Variants in BLK observed in about 807,000 individuals in gnomAD.
The protein encoded by BLK is tyrosine-protein kinase Blk.
A neutral mutation model predicts 61.8 loss-of-function variants in BLK; 64 were observed. That is an observed-to-expected ratio of 1.03 (90% CI 0.85 to 1.27). BLK has a LOEUF of 1.27. Ranked by LOEUF, BLK falls within the 50% of genes most tolerant of loss-of-function variation. The probability of loss-of-function intolerance (pLI) is 0.00; values close to 1 mark genes in which losing one functional copy is unlikely to be tolerated. For synonymous variants in BLK, 351 were observed against 272.0 expected (o/e 1.29, Z -2.86); for missense variants, 853 against 660.5 (o/e 1.29, Z -3.19).
At chr8:11,555,597 G>T (rs1050297062) in intron 8 of BLK, 113 bp downstream of exon 8, 2 of 1,512,008 alleles carry the variant, frequency 1.3e-6, no homozygotes, top group Non-Finnish European at 9.0e-7. Context: ...AGTCTTGAGA[G>T]GGAGCGAGGA....
chr8:11,542,225 A>G (rs1800410352), intron 1 of BLK, among the ~76,000 whole-genome samples: 1 of 152,252 alleles, frequency 6.6e-6, no homozygotes. Flanking sequence ...TACTAGTTAT[A>G]CTGCAAAGCA....
intron 8 of BLK, chr8:11,555,942 G>A (rs967559840): frequency 1.5e-4 from 46 of 297,324 alleles, no homozygotes; most frequent in Admixed American, 4.7e-4. Flanking sequence ...CATTTCCATC[G>A]CTGCTGACAC....
chr8:11,558,717 C>T (rs1401243666), intron 10 of BLK: 1 of 456,280 alleles, frequency 2.2e-6, no homozygotes. Flanking sequence ...TAGCCGAGAG[C>T]TCTAGCTGGC....
intron 8 of BLK, chr8:11,555,863 C>T (rs1801189766): frequency 2.8e-6 from 1 of 354,492 alleles, no homozygotes; most frequent in African/African-American, 2.1e-5. Flanking sequence ...GTTCCAGAGC[C>T]TGAGTGCACA....
At chr8:11,541,314 A>T (rs1260484898) in intron 1 of BLK, among the ~76,000 whole-genome samples, 1 of 152,178 alleles carries the variant, frequency 6.6e-6, no homozygotes, top group African/African-American at 2.4e-5. Flanking sequence ...TGCCAAATAG[A>T]CTAATATGCT....
intron 10 of BLK, chr8:11,558,423 A>G (rs1801332279): frequency 2.8e-6 from 1 of 361,432 alleles, no homozygotes; most frequent in Non-Finnish European, 5.4e-6. Context: ...TCTTCCTTAG[A>G]TGGTGCCCAC....
chr8:11,549,859 GGAGA>G (rs760683039), intron 5 of BLK: 35 of 420,032 alleles, frequency 8.3e-5, no homozygotes, highest in Non-Finnish European at 1.4e-4. Context: ...GCTGTGCTTT[GGAGA>G]GAGTGATCAG....
chr8:11,553,633 C>G (rs891330888), intron 6 of BLK: 1 of 180,408 alleles, frequency 5.5e-6, no homozygotes, highest in Non-Finnish European at 1.2e-5. Context: ...AGGCCAGGCT[C>G]GGGTTCCTTA....
chr8:11,536,349 T>A (rs890164275), intron 1 of BLK, among the ~76,000 whole-genome samples: 1 of 152,190 alleles, frequency 6.6e-6, no homozygotes, highest in Non-Finnish European at 1.5e-5. Context: ...AATTATTGAA[T>A]GTGGGTGATG....
In BLK at chr8:11,549,587, C is replaced by T. The variant is rs564427151; in HGVS notation, c.368+465C>T. Among the ~76,000 whole-genome samples, 136 of 152,330 alleles carry T rather than the reference C, an allele frequency of 8.9e-4. 1 individual carries two copies. The highest frequency in any genetic ancestry group is 6.8e-3 in the Middle Eastern group (2 of 294). ...CATGTCCCCATGGCACTGGGAATTT[C>T]GGACTCGGCCAGCCAGAGCCCCCAC... On this transcript the variant is annotated intron_variant, in intron 5 of 12. Coordinates refer to ENST00000259089, the MANE Select transcript of BLK (RefSeq NM_001715.3).
At chr8:11,506,463 T>C (rs1294210112) in intron 1 of BLK, among the ~76,000 whole-genome samples, 1 of 152,200 alleles carries the variant, frequency 6.6e-6, no homozygotes, top group Admixed American at 6.5e-5. Context: ...TCCTGGCCTC[T>C]GGAGGGGTGT....
rs187381604 is a variant in BLK at position 11,535,340 on chromosome 8, G to A, written c.-1-7884G>A. ...AGAAAGAAAGAGAAGGAAAAGGGAAGGGAAGGAAGGAAAGGAAAGGAAGGG... is the reference window on the plus strand; with the variant it reads ...AGAAAGAAAGAGAAGGAAAAGGGAAAGGAAGGAAGGAAAGGAAAGGAAGGG... On this transcript the variant is annotated intron_variant, in intron 1 of 12. Transcript: ENST00000259089. Among the ~76,000 whole-genome samples the A allele has an allele frequency of 1.6e-3, 237 of 148,888 alleles. 1 individual carries two copies. The highest frequency in any genetic ancestry group is 2.5e-3 in the Non-Finnish European group (165 of 66,876).
Position 11,558,351 on chromosome 8 carries a change from C to G in BLK, c.1029+313C>G, listed in dbSNP as rs944679765. ...GGGCGAATGAATGTCATGGGAAACACACAGAGTTAGCAAGAGTTCCATTGA... is the reference window on the plus strand; with the variant it reads ...GGGCGAATGAATGTCATGGGAAACAGACAGAGTTAGCAAGAGTTCCATTGA... On this transcript the variant is annotated intron_variant, in intron 10 of 12. Transcript: ENST00000259089. The G allele has an allele frequency of 1.7e-5, 7 of 409,544 alleles. No individual in the cohort carries two copies. The East Asian group carries it at 3.3e-4, about 19-fold the overall frequency. The allele number at this position is 409,544 out of a possible 1,614,324, so 25.4% of individuals were successfully genotyped here. A position where few individuals can be genotyped will look rare whatever the true frequency, so the allele number is the denominator to read the frequency against.
At chr8:11,551,445 C>T (rs571427906) in intron 6 of BLK, among the ~76,000 whole-genome samples, 4 of 152,308 alleles carry the variant, frequency 2.6e-5, no homozygotes, top group African/African-American at 4.8e-5. Context: ...AGGGCCCACC[C>T]ATATGACCTC....
chr8:11,556,663 TACAAAAACA>T lies in BLK; in HGVS notation c.782_790del (p.Lys261_Asn263del). On this transcript the variant is annotated inframe_deletion, in exon 9 of 13. Transcript: ENST00000259089. ...CTTCACTCCCCCGGGCTCAGGTTAC[TACAAAAACA>T]ACATGAAGGTGGCCATTAAGACGCT... The T allele has an allele frequency of 4.3e-6, 7 of 1,614,108 alleles. No homozygotes were observed. The highest frequency in any genetic ancestry group is 5.9e-6 in the Non-Finnish European group (7 of 1,180,024).
chr8:11,560,376 T>G (rs1339231971), intron 10 of BLK: 1 of 208,284 alleles, frequency 4.8e-6, no homozygotes, highest in East Asian at 1.3e-4. Flanking sequence ...GATGGATGGG[T>G]GGGTGGATGG....
intron 12 of BLK, 82 bp downstream of exon 12, chr8:11,563,192 G>A (rs1801571766): frequency 3.8e-6 from 6 of 1,594,226 alleles, no homozygotes; most frequent in African/African-American, 2.7e-5. Flanking sequence ...TGGTGCCTGT[G>A]GCTGCCCTGT....
At chr8:11,527,174 ACT>A in intron 1 of BLK, among the ~76,000 whole-genome samples, 1 of 152,052 alleles carries the variant, frequency 6.6e-6, no homozygotes, top group Non-Finnish European at 1.5e-5. Context: ...AGCTTACAAA[ACT>A]CAACACACCA....
chr8:11,525,488 A>C (rs1662083929), intron 1 of BLK, among the ~76,000 whole-genome samples: 1 of 1,308 alleles, frequency 7.6e-4, no homozygotes. Context: ...TCTGCAATTT[A>C]CTCTTTTCAT....
Sources: allele counts gnomAD v4.1 joint callset (sites outside exome capture counted in the v4.1 genomes callset), GRCh38; gene constraint gnomAD v4.1.1; transcripts MANE v1.5; gene names NCBI Gene and HGNC (gene_info 2026-07-23, HGNC 2026-07-21).